TBC1D32: variants seen among roughly 807,000 people sequenced by gnomAD.
TBC1D32 encodes the protein protein broad-minded.
Under a neutral mutation model 170.3 loss-of-function variants are expected in TBC1D32, and 151 were observed. That is an observed-to-expected ratio of 0.89 (90% CI 0.78 to 1.01). TBC1D32 has a LOEUF of 1.01. TBC1D32 is among the 50% of genes least tolerant of loss of function. The pLI is 0.00. For synonymous variants in TBC1D32, 498 were observed against 488.0 expected (o/e 1.02, Z -0.27); for missense variants, 1,464 against 1,457.1 (o/e 1.00, Z -0.08).
chr6:121,091,800 C>T (rs1776832338), intron 30 of TBC1D32, among the ~76,000 whole-genome samples: 1 of 151,830 alleles, frequency 6.6e-6, no homozygotes, highest in Non-Finnish European at 1.5e-5. Context: ...CCTCATAATA[C>T]AACTTTATTC....
At chr6:121,293,898 G>T (rs548572227) in intron 11 of TBC1D32, among the ~76,000 whole-genome samples, 1 of 152,052 alleles carries the variant, frequency 6.6e-6, no homozygotes, top group Non-Finnish European at 1.5e-5. Flanking sequence ...GTGATACAGC[G>T]AGACTCTGTC....
intron 21 of TBC1D32, among the ~76,000 whole-genome samples, chr6:121,207,247 T>C (rs1792397750): frequency 6.6e-6 from 1 of 152,140 alleles, no homozygotes. Flanking sequence ...AAAAGTATTA[T>C]AATAAATATT....
intron 3 of TBC1D32, among the ~76,000 whole-genome samples, chr6:121,312,101 C>A (rs1252290381): frequency 1.3e-5 from 2 of 152,068 alleles, no homozygotes; most frequent in Non-Finnish European, 2.9e-5. Context: ...GAACAAAAAA[C>A]CAAACACCGC....
intron 17 of TBC1D32, among the ~76,000 whole-genome samples, chr6:121,245,194 T>C (rs562144909): frequency 1.2e-3 from 178 of 152,280 alleles, no homozygotes; most frequent in Non-Finnish European, 1.9e-3. Flanking sequence ...TAAGACTATC[T>C]ACAATCAAGG....
At chr6:121,270,616 T>A (rs527559822) in intron 15 of TBC1D32, among the ~76,000 whole-genome samples, 1 of 152,192 alleles carries the variant, frequency 6.6e-6, no homozygotes, top group Non-Finnish European at 1.5e-5. Context: ...GAGGCAATAA[T>A]TAATAGCCTA....
chr6:121,218,486 T>C (rs377147307), intron 21 of TBC1D32, among the ~76,000 whole-genome samples: 2 of 152,078 alleles, frequency 1.3e-5, no homozygotes, highest in Non-Finnish European at 2.9e-5. Flanking sequence ...TGTGAGGGTG[T>C]TGCCAAAGGA....
intron 24 of TBC1D32, among the ~76,000 whole-genome samples, chr6:121,134,031 T>G (rs904758098): frequency 2.6e-5 from 4 of 152,136 alleles, no homozygotes; most frequent in African/African-American, 7.2e-5. Context: ...TGACAAGAAT[T>G]AGGTAAAGAC....
intron 24 of TBC1D32, among the ~76,000 whole-genome samples, chr6:121,137,829 T>C (rs1782308274): frequency 6.6e-6 from 1 of 152,050 alleles, no homozygotes; most frequent in East Asian, 1.9e-4. Context: ...AAACATGCAA[T>C]CTACACAGAA....
Position 121,304,602 on chromosome 6 carries a change from G to C in TBC1D32, c.793C>G (p.Leu265Val). 1 of 1,609,860 alleles carries C rather than the reference G, an allele frequency of 6.2e-7. No homozygotes were observed. The highest frequency in any genetic ancestry group is 8.5e-7 in the Non-Finnish European group (1 of 1,177,660). ...SLAKYLESYF[L>V]SRENHIPTLS... ...GTAGGAATATGATTTTCCCTAGAAA[G>C]AAAGTATGACTCCAAATACTTAGCT... is the stretch of plus-strand genomic sequence containing the variant. The change falls in exon 7 of 32, where the codon CTT becomes GTT. Residue 265 changes from leucine to valine, a missense_variant. Physicochemically the swap from Leu to Val is conservative, Grantham distance 32 (BLOSUM62 1). Around this residue, in one of 3 missense-constraint regions of TBC1D32, gnomAD observed 1,363 missense variants for 1,338.1 expected, o/e 1.02. Coordinates refer to ENST00000398212, the MANE Select transcript of TBC1D32 (RefSeq NM_152730.6).
At chr6:121,111,466 G>C (rs184315754) in intron 29 of TBC1D32, among the ~76,000 whole-genome samples, 2 of 152,122 alleles carry the variant, frequency 1.3e-5, no homozygotes, top group Non-Finnish European at 2.9e-5. Context: ...AAGGCTGTTA[G>C]ATTTTTTAAA....
chr6:121,129,907 A>T (rs1781246480), intron 25 of TBC1D32: 1 of 451,664 alleles, frequency 2.2e-6, no homozygotes, highest in African/African-American at 2.0e-5. Flanking sequence ...CACAGGAAAA[A>T]CCTAAAAATT....
chr6:121,195,951 C>T (rs1790676570), intron 22 of TBC1D32, among the ~76,000 whole-genome samples: 1 of 152,100 alleles, frequency 6.6e-6, no homozygotes, highest in East Asian at 1.9e-4. Context: ...TGGGCTGTAG[C>T]CAGTGGTTTG....
At chr6:121,232,771 G>T (rs1285144823) in intron 20 of TBC1D32, among the ~76,000 whole-genome samples, 2 of 151,762 alleles carry the variant, frequency 1.3e-5, no homozygotes, top group African/African-American at 4.8e-5. Context: ...TTTGGTTTTG[G>T]ATTATTCTTG....
At chr6:121,123,870 T>G (rs1780547274) in intron 26 of TBC1D32, among the ~76,000 whole-genome samples, 3 of 150,766 alleles carry the variant, frequency 2.0e-5, no homozygotes, top group South Asian at 2.1e-4. Flanking sequence ...CTATTATAGG[T>G]TTTTTTTTGT....
chr6:121,259,366 TG>T (rs1279251887), intron 15 of TBC1D32, among the ~76,000 whole-genome samples: 2 of 151,914 alleles, frequency 1.3e-5, no homozygotes, highest in Non-Finnish European at 2.9e-5. Context: ...TTTGACTACA[TG>T]TAAATTAATA....
intron 31 of TBC1D32, among the ~76,000 whole-genome samples, chr6:121,085,342 T>C (rs1776132206): frequency 7.9e-6 from 1 of 126,772 alleles, no homozygotes; most frequent in South Asian, 2.2e-4. Context: ...CATACATATA[T>C]ATACATACAT....
intron 4 of TBC1D32, 43 bp downstream of exon 4, chr6:121,310,734 ATG>A: frequency 1.7e-6 from 2 of 1,207,748 alleles, no homozygotes; most frequent in Non-Finnish European, 2.4e-6. Context: ...TATATTGTAA[ATG>A]TATGTTATCT....
intron 24 of TBC1D32, among the ~76,000 whole-genome samples, chr6:121,146,436 T>A (rs1783460584): frequency 6.6e-6 from 1 of 152,234 alleles, no homozygotes; most frequent in South Asian, 2.1e-4. Context: ...AGTGAGTTGA[T>A]ATGCCTCAGG....
rs146368087 is a variant in TBC1D32, at chr6:121,235,907, A to C, written c.2364+3163T>G. The stretch of plus-strand genomic sequence containing the variant: ...TATCCACCATCTTAATCCTAAAGTT[A>C]ATTTCTTAAAGATGGCACATAGTTG... On this transcript the variant is annotated intron_variant, in intron 20 of 31. Transcript: ENST00000398212. 3.3e-3 allele frequency among the ~76,000 whole-genome samples: 504 copies of C among 152,318 alleles called. 4 individuals are homozygous for C. The highest frequency in any genetic ancestry group is 0.012 in the African/African-American group (489 of 41,562).
Sources: gnomAD v4.1 joint callset for allele counts (sites outside exome capture counted in the v4.1 genomes callset) on GRCh38, gnomAD v4.1.1 for gene constraint, gnomAD v4.1.1 regional missense constraint, MANE v1.5 for transcripts, NCBI Gene and HGNC (gene_info 2026-07-23, HGNC 2026-07-21) for gene names.